MCM6: variants seen among roughly 807,000 people sequenced by gnomAD.
The protein encoded by MCM6 is DNA replication licensing factor MCM6.
In MCM6, 46 loss-of-function variants were observed where a neutral mutation model predicts 94.3. The observed-to-expected ratio is 0.49, with a 90% CI of 0.39 to 0.62. The LOEUF is 0.62. MCM6 is among the 20% of genes least tolerant of loss of function. MCM6 has a pLI of 0.00. For synonymous variants in MCM6, 335 were observed against 351.9 expected, an observed-to-expected ratio of 0.95 and a Z score of 0.54; for missense variants, 865 against 1,017.9, an observed-to-expected ratio of 0.85 and a Z score of 2.04.
At chr2:135,843,969 G>T (rs755856108) in intron 16 of MCM6, among the ~76,000 whole-genome samples, 20 of 152,052 alleles carry the variant, frequency 1.3e-4, no homozygotes, top group Admixed American at 3.3e-4. Flanking sequence ...AACTGACCCG[G>T]GAAAAGGAAT....
intron 8 of MCM6, among the ~76,000 whole-genome samples, 162 bp from the exon 9 acceptor site, chr2:135,859,604 G>T (rs986638657): frequency 6.6e-6 from 1 of 151,796 alleles, no homozygotes; most frequent in Non-Finnish European, 1.5e-5. Context: ...TCTCTCCCTC[G>T]GCTTTTCTTT....
In MCM6 at chr2:135,876,316, T is replaced by G. The variant is rs1441410836; in HGVS notation, c.50A>C (p.Glu17Ala). The G allele has an allele frequency of 3.1e-6, 5 of 1,611,184 alleles. No homozygotes were observed. Among genetic ancestry groups the G allele is most frequent in the Admixed American group, 1.7e-5 (1 of 59,922 alleles). Residue 17 changes from glutamate to alanine, a missense_variant, in exon 1 of 17, where the codon GAG becomes GCG. Transcript: ENST00000264156. Reference sequence around the variant, plus strand: ...CTTCTCGGCCACCTCGTCGCGGACCTCCAGGTGCTGGCTGCCGGCGCCCGG... The same window carrying G: ...CTTCTCGGCCACCTCGTCGCGGACCGCCAGGTGCTGGCTGCCGGCGCCCGG... ...AEPGAGSQHL[E>A]VRDEVAEKCQ...
chr2:135,855,361 C>CCAAAA (rs1679854095), intron 11 of MCM6, among the ~76,000 whole-genome samples: 1 of 151,996 alleles, frequency 6.6e-6, no homozygotes, highest in Non-Finnish European at 1.5e-5. Context: ...AAAAAGTGAA[C>CCAAAA]CAAACCAAAC....
chr2:135,868,809 CCCACTGATGCGA>C lies in MCM6; in HGVS notation c.405_416del (p.Arg136_Gly139del), dbSNP rs765523313. ...GAACTGGGTGAGTCCGCACCACCTGCCCACTGATGCGAGTGAGCAAACCAATTCTGGATGAGG... is the reference window on the plus strand; with the variant it reads ...GAACTGGGTGAGTCCGCACCACCTGCGTGAGCAAACCAATTCTGGATGAGG... On this transcript the variant is annotated inframe_deletion, in exon 4 of 17. Transcript: ENST00000264156. 1 of 1,614,042 alleles carries C rather than the reference CCCACTGATGCGA, an allele frequency of 6.2e-7. No individual in the cohort carries two copies. Among genetic ancestry groups the C allele is most frequent in the Non-Finnish European group, 8.5e-7 (1 of 1,179,948 alleles).
rs1204705719 is a variant in MCM6 at position 135,844,665 on chromosome 2, T to C, written c.2229A>G (p.Leu743=). 3 of 1,580,782 alleles carry C rather than the reference T, an allele frequency of 1.9e-6. No individual in the cohort carries two copies. The highest frequency in any genetic ancestry group is 2.6e-6 in the Non-Finnish European group (3 of 1,167,078). ...ACCAGTTAACAAGCTCGCTCCTCTT[T>C]AATGCTGACTCGTCCTCTTCTGCAA... is the stretch of plus-strand genomic sequence containing the variant. ...KVEEEEDESA[L]KRSELVNWYL... is the part of the protein sequence containing the mutation. Residue 743 remains leucine (L), a synonymous_variant, in exon 16 of 17, where the codon TTA becomes TTG. Transcript: ENST00000264156.
At chr2:135,863,841 T>C (rs1680038143) in intron 7 of MCM6, among the ~76,000 whole-genome samples, 2 of 152,194 alleles carry the variant, frequency 1.3e-5, no homozygotes, top group Admixed American at 1.3e-4. Context: ...CCGGATGCAG[T>C]GGCTCATGCC....
At chr2:135,875,735 C>G (rs1225069492) in intron 1 of MCM6, among the ~76,000 whole-genome samples, 1 of 152,212 alleles carries the variant, frequency 6.6e-6, no homozygotes, top group Admixed American at 6.5e-5. Flanking sequence ...GGGCAGGGCT[C>G]CGCCCCCCAG....
At chr2:135,850,060 A>G (rs1391588670) in intron 13 of MCM6, among the ~76,000 whole-genome samples, 1 of 152,236 alleles carries the variant, frequency 6.6e-6, no homozygotes, top group East Asian at 1.9e-4. Context: ...GCCCTAAGAC[A>G]TGTACCAGTT....
chr2:135,873,075 T>C (rs557595071), intron 1 of MCM6, among the ~76,000 whole-genome samples: 6 of 152,298 alleles, frequency 3.9e-5, no homozygotes, highest in East Asian at 1.9e-4. Flanking sequence ...TGGGAGTTAA[T>C]TGAAGCATGG....
At chr2:135,867,981 C>G (rs189389567) in intron 4 of MCM6, among the ~76,000 whole-genome samples, 116 of 152,086 alleles carry the variant, frequency 7.6e-4, no homozygotes, top group African/African-American at 1.1e-3. Context: ...GAGCCGAGAT[C>G]GCGCCACTGC....
intron 11 of MCM6, among the ~76,000 whole-genome samples, chr2:135,855,187 A>T (rs919194824): frequency 2.0e-5 from 3 of 152,172 alleles, no homozygotes; most frequent in East Asian, 1.9e-4. Context: ...AAACAGTTTT[A>T]AAAAAATCTT....
chr2:135,867,522 T>G (rs192145302), intron 4 of MCM6, among the ~76,000 whole-genome samples: 228 of 152,314 alleles, frequency 1.5e-3, no homozygotes, highest in African/African-American at 5.2e-3. Flanking sequence ...GCAATATAAA[T>G]AATATTAAAT....
Position 135,868,837 on chromosome 2 carries a change from C to T in MCM6, c.389G>A (p.Arg130Lys), listed in dbSNP as rs770160411. The change falls in exon 4 of 17, where the codon AGA (arginine) becomes AAA (lysine). Residue 130 changes from arginine (R) to lysine (K), a missense_variant. Coordinates refer to ENST00000264156, the MANE Select transcript of MCM6 (RefSeq NM_005915.6). ...RHKIRELTSS[R>K]IGLLTRISGQ... The stretch of plus-strand genomic sequence containing the variant: ...ACTGATGCGAGTGAGCAAACCAATT[C>T]TGGATGAGGTGAGCTCTCGAATCCT... 12 of 1,614,030 alleles carry T rather than the reference C, an allele frequency of 7.4e-6. No homozygotes were observed. In the East Asian group the frequency reaches 1.3e-4, roughly 18 times the overall value.
In MCM6 at chr2:135,876,395, C is replaced by T; in HGVS notation, c.-30G>A. ...GCTTAGTGCCGAGGATTCGCCTGCG[C>T]CACGCTCGACCGCCACAAGTCGCTT... On this transcript the variant is annotated 5_prime_UTR_variant, in exon 1 of 17. Coordinates refer to ENST00000264156, the MANE Select transcript of MCM6 (RefSeq NM_005915.6). 1.3e-6 allele frequency: 2 copies of T among 1,538,738 alleles called. No individual in the cohort carries two copies. The highest frequency in any genetic ancestry group is 1.8e-6 in the Non-Finnish European group (2 of 1,140,582).
At chr2:135,845,758 C>T (rs552228497) in intron 15 of MCM6, among the ~76,000 whole-genome samples, 56 of 152,256 alleles carry the variant, frequency 3.7e-4, no homozygotes, top group Admixed American at 3.0e-3. Context: ...GGGTAGGAAG[C>T]GTACTAGTGT....
In MCM6 at chr2:135,857,793, T is replaced by C; in HGVS notation, c.1470+104A>G. The C allele has an allele frequency of 4.6e-6, 4 of 869,538 alleles. No individual in the cohort carries two copies. The East Asian group carries it at 9.8e-5, about 21-fold the overall frequency. The allele number at this position is 869,538 out of a possible 1,614,324, so 53.9% of individuals were successfully genotyped here. ...GTATTTTCCATTTTAATGAACAGCA[T>C]TACACACTGAAGTAATGAATTTTAT... On this transcript the variant is annotated intron_variant, in intron 10 of 16. Coordinates refer to ENST00000264156, the MANE Select transcript of MCM6 (RefSeq NM_005915.6).
At chr2:135,854,552 GAGAAAA>G (rs113730082) in intron 11 of MCM6, among the ~76,000 whole-genome samples, 17,603 of 102,070 alleles carry the variant, frequency 0.17, 4,632 homozygotes, top group South Asian at 0.32. Context: ...AAAAAAAAAA[GAGAAAA>G]AGAAAAAGAA....
rs754390262 is a variant in MCM6, at chr2:135,868,787, C to A, written c.439G>T (p.Val147Phe). ...ISGQVVRTHP[V>F]HPELVSGTFL... is the part of the protein sequence containing the mutation. Reference sequence around the variant, plus strand: ...GTTCCGCTCACAAGCTCTGGGTGAACTGGGTGAGTCCGCACCACCTGCCCA... The same window carrying A: ...GTTCCGCTCACAAGCTCTGGGTGAAATGGGTGAGTCCGCACCACCTGCCCA... The change falls in exon 4 of 17, where the codon GTT becomes TTT. Residue 147 changes from valine to phenylalanine, a missense_variant. Coordinates refer to ENST00000264156, the MANE Select transcript of MCM6 (RefSeq NM_005915.6). 87 of 1,614,084 alleles carry A rather than the reference C, an allele frequency of 5.4e-5. No individual in the cohort carries two copies. The highest frequency in any genetic ancestry group is 7.4e-5 in the Non-Finnish European group (87 of 1,180,052).
chr2:135,876,160 C>T, intron 1 of MCM6, 99 bp downstream of exon 1: 1 of 905,990 alleles, frequency 1.1e-6, no homozygotes, highest in Non-Finnish European at 1.5e-6. Context: ...GGACGCGCGA[C>T]CCCCAGGTTC....
Sources: allele counts gnomAD v4.1 joint callset (sites outside exome capture counted in the v4.1 genomes callset), GRCh38; gene constraint gnomAD v4.1.1; transcripts MANE v1.5; gene names NCBI Gene and HGNC (gene_info 2026-07-23, HGNC 2026-07-21).